The following PDCD1LG2 variants were observed in gnomAD, a reference collection of about 807,000 sequenced individuals.
The protein encoded by PDCD1LG2 is B7 dendritic cell molecule.
In PDCD1LG2, 32 loss-of-function variants were observed where a neutral mutation model predicts 28.2. The ratio of observed to expected loss-of-function variants is 1.13; its 90% confidence interval spans 0.86 to 1.52. The LOEUF is 1.52. PDCD1LG2 is among the 40% of genes most tolerant of loss of function. The probability of loss-of-function intolerance (pLI) is 0.00; values close to 1 mark genes in which losing one functional copy is unlikely to be tolerated. For missense variants in PDCD1LG2, 385 were observed against 323.8 expected, an observed-to-expected ratio of 1.19 and a Z score of -1.45; for synonymous variants, 116 against 120.2, an observed-to-expected ratio of 0.97 and a Z score of 0.23.
At chr9:5,536,863 C>T (rs558752001) in intron 3 of PDCD1LG2, among the ~76,000 whole-genome samples, 7 of 152,322 alleles carry the variant, frequency 4.6e-5, no homozygotes, top group South Asian at 2.1e-4. Context: ...CCAAAATTGA[C>T]GAGCCTGACA....
At chr9:5,542,797 C>G (rs954744771) in intron 3 of PDCD1LG2, among the ~76,000 whole-genome samples, 1 of 152,066 alleles carries the variant, frequency 6.6e-6, no homozygotes, top group Non-Finnish European at 1.5e-5. Context: ...AAAAGTAGAT[C>G]TACCATTTGA....
At chr9:5,529,735 C>T (rs62556123) in intron 2 of PDCD1LG2, among the ~76,000 whole-genome samples, 1 of 152,140 alleles carries the variant, frequency 6.6e-6, no homozygotes, top group Non-Finnish European at 1.5e-5. Flanking sequence ...TGAGGTCATT[C>T]TGGGGCACAG....
chr9:5,519,502 C>T (rs564883724), intron 1 of PDCD1LG2, among the ~76,000 whole-genome samples: 1 of 152,284 alleles, frequency 6.6e-6, no homozygotes, highest in African/African-American at 2.4e-5. Context: ...TTGTACCCTT[C>T]CTTTCAATCT....
intron 3 of PDCD1LG2, among the ~76,000 whole-genome samples, chr9:5,540,707 T>G (rs1293640914): frequency 6.6e-6 from 1 of 152,088 alleles, no homozygotes; most frequent in Non-Finnish European, 1.5e-5. Context: ...GCAGCAAGAT[T>G]GAATGGTAAC....
intron 1 of PDCD1LG2, among the ~76,000 whole-genome samples, chr9:5,517,190 T>A (rs1333716476): frequency 2.6e-5 from 4 of 152,096 alleles, no homozygotes; most frequent in Admixed American, 2.6e-4. Context: ...AATGCTGGGG[T>A]AGGGTTGGAG....
chr9:5,566,506 A>T (rs896553882), intron 6 of PDCD1LG2, among the ~76,000 whole-genome samples: 7 of 152,234 alleles, frequency 4.6e-5, no homozygotes, highest in African/African-American at 1.7e-4. Context: ...AAGAGTTGGC[A>T]TATGCTTTGC....
chr9:5,512,216 G>A (rs1045209141), intron 1 of PDCD1LG2, among the ~76,000 whole-genome samples: 1 of 152,190 alleles, frequency 6.6e-6, no homozygotes. Context: ...GGGTTACTCT[G>A]TAAAGGGGCA....
chr9:5,553,330 C>T (rs891672208), intron 4 of PDCD1LG2, among the ~76,000 whole-genome samples: 1 of 152,150 alleles, frequency 6.6e-6, no homozygotes, highest in African/African-American at 2.4e-5. Context: ...AAAGCTAAAG[C>T]CTCTAAAGAG....
intron 4 of PDCD1LG2, among the ~76,000 whole-genome samples, chr9:5,551,790 G>A (rs969117745): frequency 6.6e-6 from 1 of 152,196 alleles, no homozygotes; most frequent in African/African-American, 2.4e-5. Flanking sequence ...AGGCAGGACT[G>A]CACAGTCCCC....
chr9:5,535,446 G>A (rs936667433), intron 3 of PDCD1LG2, among the ~76,000 whole-genome samples: 8 of 152,030 alleles, frequency 5.3e-5, no homozygotes, highest in Non-Finnish European at 1.2e-4. Flanking sequence ...ATGGTTTGCC[G>A]CCCATTCATG....
intron 6 of PDCD1LG2, among the ~76,000 whole-genome samples, chr9:5,567,948 G>A (rs1816697180): frequency 6.6e-6 from 1 of 152,154 alleles, no homozygotes; most frequent in African/African-American, 2.4e-5. Flanking sequence ...TGTTTTGTTT[G>A]TTTTCATGAG....
intron 6 of PDCD1LG2, among the ~76,000 whole-genome samples, chr9:5,565,963 C>T (rs967033146): frequency 1.6e-4 from 25 of 151,822 alleles, no homozygotes; most frequent in African/African-American, 5.8e-4. Context: ...ATTTAGAATC[C>T]ATTGCCTAGA....
intron 1 of PDCD1LG2, among the ~76,000 whole-genome samples, chr9:5,519,101 C>CA (rs1820224895): frequency 6.6e-6 from 1 of 152,044 alleles, no homozygotes; most frequent in Non-Finnish European, 1.5e-5. Flanking sequence ...GGGGGGTGCG[C>CA]AAGATCTTTA....
chr9:5,513,639 C>T (rs1820103041), intron 1 of PDCD1LG2, among the ~76,000 whole-genome samples: 1 of 152,196 alleles, frequency 6.6e-6, no homozygotes, highest in African/African-American at 2.4e-5. Context: ...AACTTAAATG[C>T]TCTATTAAAT....
rs969017002 is a variant in PDCD1LG2, at chr9:5,534,686, T to C, written c.56-59T>C. ...GAGATGGGTCTCAGGTTACACTTCGTAAGAACTGGAATGTAAAGTAAAGGC... is the reference window on the plus strand; with the variant it reads ...GAGATGGGTCTCAGGTTACACTTCGCAAGAACTGGAATGTAAAGTAAAGGC... On this transcript the variant is annotated intron_variant, in intron 2 of 6. Transcript: ENST00000397747. The C allele has an allele frequency of 2.0e-5, 29 of 1,485,408 alleles. No individual in the cohort carries two copies. The African/African-American group carries it at 3.9e-4, about 20-fold the overall frequency. 92.0% of individuals were successfully genotyped at this position (1,485,408 alleles called of 1,614,324 possible).
At position 5,549,414 on chromosome 9, in the gene PDCD1LG2, T is replaced by C. The variant is rs748963167; in HGVS notation, c.441T>C (p.Gly147=). 85 of 1,614,024 alleles carry C rather than the reference T, an allele frequency of 5.3e-5. No individual in the cohort carries two copies. The highest frequency in any genetic ancestry group is 6.9e-5 in the Non-Finnish European group (82 of 1,180,026). ...TAGAGCTCACCTGCCAGGCTACAGG[T>C]TATCCTCTGGCAGAAGTATCCTGGC... The part of the protein sequence containing the change: ...DEVELTCQAT[G]YPLAEVSWPN... The change falls in exon 4 of 7, where the codon GGT becomes GGC. Residue 147 remains glycine, a synonymous_variant. Transcript: ENST00000397747.
rs931228575 is a variant in PDCD1LG2, at chr9:5,541,902, T to G, written c.361+6852T>G. On this transcript the variant is annotated intron_variant, in intron 3 of 6. Coordinates refer to ENST00000397747, the MANE Select transcript of PDCD1LG2 (RefSeq NM_025239.4). Reference sequence around the variant, plus strand: ...GAAGACTAAGCAAAAAGAACAAACCTGGAGGCATCACATTGCCTAACTTCA... The same window carrying G: ...GAAGACTAAGCAAAAAGAACAAACCGGGAGGCATCACATTGCCTAACTTCA... 3.3e-5 allele frequency among the ~76,000 whole-genome samples: 5 copies of G among 152,108 alleles called. No homozygotes were observed. In the South Asian group the frequency reaches 6.2e-4, roughly 19 times the overall value.
intron 2 of PDCD1LG2, among the ~76,000 whole-genome samples, chr9:5,532,778 T>G (rs1820507163): frequency 6.6e-6 from 1 of 152,208 alleles, no homozygotes; most frequent in South Asian, 2.1e-4. Flanking sequence ...ACATATGAAT[T>G]ACCACTTTCC....
intron 2 of PDCD1LG2, among the ~76,000 whole-genome samples, chr9:5,525,786 C>T (rs575280265): frequency 1.5e-4 from 23 of 152,006 alleles, no homozygotes; most frequent in East Asian, 7.7e-4. Context: ...TGGTGGCTCA[C>T]GCCTGTAATC....
Sources: allele counts gnomAD v4.1 joint callset (sites outside exome capture counted in the v4.1 genomes callset), GRCh38; gene constraint gnomAD v4.1.1; transcripts MANE v1.5; gene names NCBI Gene and HGNC (gene_info 2026-07-23, HGNC 2026-07-21).